PRDM5: variants seen among roughly 807,000 people sequenced by gnomAD.
The protein encoded by PRDM5 is PR domain zinc finger protein 5.
In PRDM5, 56 loss-of-function variants were observed where a neutral mutation model predicts 81.2. The observed-to-expected ratio is 0.69, with a 90% CI of 0.56 to 0.86. The LOEUF (loss-of-function observed/expected upper bound fraction) is 0.86, where lower values mean the gene tolerates loss of function less well. Among genes scored for constraint, PRDM5 ranks in the 40% least tolerant of loss-of-function variants. The pLI is 0.00. For missense variants in PRDM5, 697 were observed against 770.1 expected (o/e 0.91, Z 1.12); for synonymous variants, 267 against 256.4 (o/e 1.04, Z -0.39).
At chr4:120,882,321 T>A (rs1762935059) in intron 2 of PRDM5, among the ~76,000 whole-genome samples, 1 of 152,178 alleles carries the variant, frequency 6.6e-6, no homozygotes, top group South Asian at 2.1e-4. Context: ...CTAATTTTTG[T>A]ATTTTCAGTA....
At chr4:120,890,442 A>T (rs1056661828) in intron 2 of PRDM5, among the ~76,000 whole-genome samples, 2 of 152,208 alleles carry the variant, frequency 1.3e-5, no homozygotes, top group African/African-American at 2.4e-5. Context: ...TTTGGGTAGG[A>T]ACGTATATCT....
At chr4:120,774,920 GTATA>G (rs376413322) in intron 13 of PRDM5, among the ~76,000 whole-genome samples, 28 of 95,260 alleles carry the variant, frequency 2.9e-4, no homozygotes, top group Admixed American at 5.6e-4. Context: ...ATATGTATAT[GTATA>G]TATATGTATA....
intron 2 of PRDM5, among the ~76,000 whole-genome samples, chr4:120,871,138 G>C (rs1244947010): frequency 6.6e-6 from 1 of 152,158 alleles, no homozygotes; most frequent in Non-Finnish European, 1.5e-5. Flanking sequence ...CTGCCTGCCA[G>C]AAAGTTTTTC....
chr4:120,815,727 G>A (rs938172644), intron 7 of PRDM5, among the ~76,000 whole-genome samples: 1 of 152,156 alleles, frequency 6.6e-6, no homozygotes, highest in Non-Finnish European at 1.5e-5. Flanking sequence ...AGAACACACA[G>A]GGTTTCATAA....
At chr4:120,779,754 T>C (rs1748738010) in intron 12 of PRDM5, among the ~76,000 whole-genome samples, 1 of 151,938 alleles carries the variant, frequency 6.6e-6, no homozygotes, top group Non-Finnish European at 1.5e-5. Flanking sequence ...ATACAAAAAA[T>C]TAGCCAGGCG....
chr4:120,715,886 T>G (rs1465634915), intron 14 of PRDM5, among the ~76,000 whole-genome samples: 2 of 152,044 alleles, frequency 1.3e-5, no homozygotes, highest in East Asian at 3.9e-4. Context: ...GCAATGAAAA[T>G]CAAGACCTGG....
chr4:120,819,360 T>C (rs1253997762), intron 4 of PRDM5, among the ~76,000 whole-genome samples: 1 of 152,228 alleles, frequency 6.6e-6, no homozygotes, highest in Non-Finnish European at 1.5e-5. Flanking sequence ...TTGGGTGGCT[T>C]GTTTCTTTTG....
intron 13 of PRDM5, among the ~76,000 whole-genome samples, chr4:120,764,161 C>G (rs1010723224): frequency 1.3e-5 from 2 of 152,146 alleles, no homozygotes; most frequent in South Asian, 2.1e-4. Context: ...ATAGATAAAG[C>G]TGTTCAAACA....
In PRDM5 at chr4:120,695,025, T is replaced by C. The variant is rs775858643; in HGVS notation, c.*86A>G. 1.6e-5 allele frequency: 23 copies of C among 1,482,276 alleles called. No homozygotes were observed. The highest frequency in any genetic ancestry group is 2.2e-5 in the Non-Finnish European group (23 of 1,064,398). The allele number at this position is 1,482,276 out of a possible 1,614,324, so 91.8% of individuals were successfully genotyped here. A position where few individuals can be genotyped will look rare whatever the true frequency, so the allele number is the denominator to read the frequency against. ...ATGAGACCAGTAAGTCACTTTTGGCTACTTCTGTTATGCTGATCAGGTGAT... is the reference window on the plus strand; with the variant it reads ...ATGAGACCAGTAAGTCACTTTTGGCCACTTCTGTTATGCTGATCAGGTGAT... On this transcript the variant is annotated 3_prime_UTR_variant, in exon 16 of 16. Coordinates refer to ENST00000264808, the MANE Select transcript of PRDM5 (RefSeq NM_018699.4).
chr4:120,703,186 T>A (rs1013918161), intron 15 of PRDM5, among the ~76,000 whole-genome samples: 1 of 152,120 alleles, frequency 6.6e-6, no homozygotes, highest in Non-Finnish European at 1.5e-5. Flanking sequence ...TTTTTTGTTT[T>A]GTTTTTGTTT....
chr4:120,741,413 G>C (rs1421709047), intron 14 of PRDM5, among the ~76,000 whole-genome samples: 2 of 151,644 alleles, frequency 1.3e-5, no homozygotes, highest in African/African-American at 4.8e-5. Context: ...TTGGTTATCA[G>C]GGGGGAGGAG....
rs892552321 is a variant in PRDM5 at position 120,706,885 on chromosome 4, T to C, written c.1728+3424A>G. Among the ~76,000 whole-genome samples, 4 of 150,312 alleles carry C rather than the reference T, an allele frequency of 2.7e-5. No individual in the cohort carries two copies. In the East Asian group the frequency reaches 5.9e-4, roughly 22 times the overall value. On this transcript the variant is annotated intron_variant, in intron 15 of 15. Transcript: ENST00000264808. ...TTACCAAAACTGACCCATGAAGAAATAGAAAAATTAAAAAGACCAATAAAG... is the reference window on the plus strand; with the variant it reads ...TTACCAAAACTGACCCATGAAGAAACAGAAAAATTAAAAAGACCAATAAAG...
intron 13 of PRDM5, among the ~76,000 whole-genome samples, chr4:120,755,166 T>TTAATCCATAC (rs2149156776): frequency 6.6e-6 from 1 of 152,306 alleles, no homozygotes; most frequent in Admixed American, 6.5e-5. Context: ...TAAATAATAA[T>TTAATCCATAC]TAATCCATAC....
chr4:120,711,494 G>A (rs1370732052), intron 14 of PRDM5, among the ~76,000 whole-genome samples: 1 of 147,030 alleles, frequency 6.8e-6, no homozygotes, highest in Non-Finnish European at 1.5e-5. Context: ...ATTTTTAGTA[G>A]AGATGGGGTT....
intron 7 of PRDM5, chr4:120,816,248 T>C (rs1414242873): frequency 2.6e-6 from 2 of 781,998 alleles, no homozygotes; most frequent in Middle Eastern, 2.3e-4. Context: ...AATTCAGGAA[T>C]GGGAAAAAGA....
chr4:120,708,622 A>C (rs1379145204), intron 15 of PRDM5, among the ~76,000 whole-genome samples: 2 of 152,098 alleles, frequency 1.3e-5, no homozygotes, highest in African/African-American at 4.8e-5. Flanking sequence ...TAAAATGATC[A>C]ATTTTATATC....
At chr4:120,703,000 T>C (rs1394201737) in intron 15 of PRDM5, among the ~76,000 whole-genome samples, 1 of 152,184 alleles carries the variant, frequency 6.6e-6, no homozygotes, top group Non-Finnish European at 1.5e-5. Flanking sequence ...CAGCCTTCTC[T>C]TTCCCCCATG....
downstream of PRDM5, among the ~76,000 whole-genome samples, chr4:120,689,736 G>A (rs1019643726): frequency 2.2e-4 from 34 of 151,844 alleles, no homozygotes; most frequent in African/African-American, 7.7e-4. Flanking sequence ...CTGAGTAGCT[G>A]AGATTACAGG....
intron 8 of PRDM5, among the ~76,000 whole-genome samples, chr4:120,805,937 A>C (rs531978740): frequency 1.3e-5 from 2 of 152,232 alleles, no homozygotes; most frequent in Admixed American, 1.3e-4. Context: ...ACATGACTGT[A>C]TATCTAGAAA....
Sources: gnomAD v4.1 joint callset for allele counts (sites outside exome capture counted in the v4.1 genomes callset) on GRCh38, gnomAD v4.1.1 for gene constraint, MANE v1.5 for transcripts, NCBI Gene and HGNC (gene_info 2026-07-23, HGNC 2026-07-21) for gene names.